PRKN: variants seen among roughly 807,000 people sequenced by gnomAD.
PRKN encodes the protein E3 ubiquitin-protein ligase parkin.
PRKN carries 56 observed loss-of-function variants against 59.5 expected under a neutral mutation model. The observed-to-expected ratio is 0.94, with a 90% confidence interval of 0.76 to 1.18. PRKN has a LOEUF of 1.18. Among genes scored for constraint, PRKN ranks in the 50% most tolerant of loss-of-function variants. The pLI is 0.00. For synonymous variants in PRKN, 250 were observed against 222.1 expected (o/e 1.13, Z -1.12); for missense variants, 657 against 596.4 (o/e 1.10, Z -1.06).
At chr6:161,757,477 A>C (rs1467713157) in intron 7 of PRKN, among the ~76,000 whole-genome samples, 1 of 152,020 alleles carries the variant, frequency 6.6e-6, no homozygotes, top group Non-Finnish European at 1.5e-5. Context: ...ATAATAATAA[A>C]ATATGTGCAA....
In PRKN at chr6:161,361,518, T is replaced by C. The variant is rs1000739923; in HGVS notation, c.1168-1313A>G. On this transcript the variant is annotated intron_variant, in intron 10 of 11. Transcript: ENST00000366898. This position sits in a 1 kb window ranked among gnomAD's most constrained non-coding sequence, Gnocchi z 5.2. ...CCAAATTTCAGGGGTTACCAAACTT[T>C]CAGGGGTTACCACTAAACTTTCAGG... 1.3e-5 allele frequency among the ~76,000 whole-genome samples: 2 copies of C among 152,164 alleles called. No homozygotes were observed. The highest frequency in any genetic ancestry group is 2.9e-5 in the Non-Finnish European group (2 of 68,026).
At position 162,262,648 on chromosome 6, in the gene PRKN, G is replaced by A. The variant is rs373593750; in HGVS notation, c.289C>T (p.Arg97Trp). The change falls in exon 3 of 12, where the codon CGG becomes TGG. Residue 97 changes from arginine (R) to tryptophan (W), a missense_variant. Transcript: ENST00000366898. ...ACCCGAGTCAAGCTCTGGGGCTCCC[G>A]CTCACAGCCTCCCGCCGCGTTTCTG... Reference protein sequence around the residue: ...DPRNAAGGCEREPQSLTRVDL... With the variant: ...DPRNAAGGCEWEPQSLTRVDL... The A allele has an allele frequency of 6.8e-6, 11 of 1,613,518 alleles. No individual in the cohort carries two copies. The highest frequency in any genetic ancestry group is 2.2e-5 in the East Asian group (1 of 44,860).
intron 6 of PRKN, among the ~76,000 whole-genome samples, chr6:161,907,245 T>C (rs891690775): frequency 1.3e-5 from 2 of 152,136 alleles, no homozygotes; most frequent in Non-Finnish European, 2.9e-5. Flanking sequence ...TCTAGATGAA[T>C]TTCACTGGTT....
chr6:161,696,351 C>G (rs1440767391), intron 7 of PRKN, among the ~76,000 whole-genome samples: 1 of 152,160 alleles, frequency 6.6e-6, no homozygotes, highest in Non-Finnish European at 1.5e-5. Context: ...GAACTAAAAT[C>G]TGCTGAACAA....
intron 6 of PRKN, among the ~76,000 whole-genome samples, chr6:161,832,276 T>C (rs1458163270): frequency 1.3e-5 from 2 of 152,196 alleles, no homozygotes; most frequent in Admixed American, 6.5e-5. Flanking sequence ...ATCTTAGTAC[T>C]TTCTTGAATA....
At chr6:162,473,195 G>C (rs528168619) in intron 1 of PRKN, among the ~76,000 whole-genome samples, 2 of 152,214 alleles carry the variant, frequency 1.3e-5, no homozygotes, top group South Asian at 2.1e-4. Flanking sequence ...CCTTTGCTAG[G>C]ATGCTTACCA....
rs187710459 is a variant in PRKN at position 161,742,102 on chromosome 6, C to T, written c.871+43670G>A. Among the ~76,000 whole-genome samples the T allele has an allele frequency of 1.2e-4, 18 of 152,130 alleles. 1 individual carries two copies. In the East Asian group the frequency reaches 3.3e-3, roughly 28 times the overall value. On this transcript the variant is annotated intron_variant, in intron 7 of 11. Transcript: ENST00000366898. ...CTCCTGCCTCAGCCTCCTGAGTACC[C>T]GGGATTACAGGCGTGCACCACCATT...
intron 1 of PRKN, among the ~76,000 whole-genome samples, chr6:162,637,745 C>T (rs900375001): frequency 4.6e-5 from 7 of 152,138 alleles, no homozygotes; most frequent in Non-Finnish European, 2.9e-5. Flanking sequence ...AAATTTGGAT[C>T]ATTAGATGAA....
rs1583143678 is a variant in PRKN at position 162,169,886 on chromosome 6, A to C, written c.534+31245T>G. ...CTTGTATCTAGGAGGATATGGGGGAAAATAGCAATAAAATAGGTGGGGATG... is the reference window on the plus strand; with the variant it reads ...CTTGTATCTAGGAGGATATGGGGGACAATAGCAATAAAATAGGTGGGGATG... On this transcript the variant is annotated intron_variant, in intron 4 of 11. Coordinates refer to ENST00000366898, the MANE Select transcript of PRKN (RefSeq NM_004562.3). 2.0e-5 allele frequency among the ~76,000 whole-genome samples: 3 copies of C among 152,338 alleles called. No individual in the cohort carries two copies. In the East Asian group the frequency reaches 5.8e-4, roughly 29 times the overall value.
chr6:162,141,025 G>T (rs1781757372), intron 4 of PRKN, among the ~76,000 whole-genome samples: 1 of 152,028 alleles, frequency 6.6e-6, no homozygotes, highest in Non-Finnish European at 1.5e-5. Flanking sequence ...AGCTACTTCG[G>T]AGGCTGAGGC....
chr6:161,648,920 A>T (rs1369112993), intron 7 of PRKN, among the ~76,000 whole-genome samples: 1 of 152,348 alleles, frequency 6.6e-6, no homozygotes, highest in East Asian at 1.9e-4. Context: ...CAATTAATTC[A>T]GAAATTAAAT....
chr6:162,069,173 T>C lies in PRKN; in HGVS notation c.535-14999A>G, dbSNP rs532006373. 6.6e-5 allele frequency among the ~76,000 whole-genome samples: 10 copies of C among 152,234 alleles called. 2 individuals carry two copies. In the South Asian group the frequency reaches 2.1e-3, roughly 32 times the overall value. On this transcript the variant is annotated intron_variant, in intron 4 of 11. Coordinates refer to ENST00000366898, the MANE Select transcript of PRKN (RefSeq NM_004562.3). ...GTGGGAGGCACCTAGAAGGAGGTAA[T>C]AGAATCATGGGGGCTGGTCTCTCTC...
intron 1 of PRKN, among the ~76,000 whole-genome samples, chr6:162,503,754 C>T (rs933084102): frequency 2.0e-5 from 3 of 152,046 alleles, no homozygotes; most frequent in East Asian, 1.9e-4. Flanking sequence ...CAGCTGAACT[C>T]GGAGGATCCG....
At chr6:162,637,133 T>C (rs1562457543) in intron 1 of PRKN, among the ~76,000 whole-genome samples, 1 of 151,514 alleles carries the variant, frequency 6.6e-6, no homozygotes. Flanking sequence ...GGCGGGTGCC[T>C]ATAATCCCAG....
At chr6:162,584,664 A>G (rs1448181867) in intron 1 of PRKN, among the ~76,000 whole-genome samples, 4 of 152,090 alleles carry the variant, frequency 2.6e-5, no homozygotes, top group Non-Finnish European at 5.9e-5. Flanking sequence ...TTGTGGGCAT[A>G]TCCTATAAAT....
intron 1 of PRKN, among the ~76,000 whole-genome samples, chr6:162,673,125 C>T (rs1037778280): frequency 2.0e-5 from 3 of 150,870 alleles, no homozygotes; most frequent in Admixed American, 1.3e-4. Flanking sequence ...CCATTTATTT[C>T]TCCTATTTTC....
rs1192983224 is a variant in PRKN at position 161,429,991 on chromosome 6, G to T, written c.1084-43114C>A. ...TATTTACAGCAATATCTTTTTTCCTGTGCTGGTTTCTCAAATCCCAGTTCT... is the reference window on the plus strand; with the variant it reads ...TATTTACAGCAATATCTTTTTTCCTTTGCTGGTTTCTCAAATCCCAGTTCT... On this transcript the variant is annotated intron_variant, in intron 9 of 11. Transcript: ENST00000366898. The surrounding 1 kb of genome is among the most constrained non-coding windows in gnomAD (Gnocchi z 4.2). Among the ~76,000 whole-genome samples the T allele has an allele frequency of 6.6e-6, 1 of 152,120 alleles. No individual in the cohort carries two copies. The highest frequency in any genetic ancestry group is 1.9e-4 in the East Asian group (1 of 5,192).
intron 7 of PRKN, among the ~76,000 whole-genome samples, chr6:161,660,722 G>A (rs1784512896): frequency 6.6e-6 from 1 of 152,148 alleles, no homozygotes; most frequent in Admixed American, 6.5e-5. Flanking sequence ...GCAGGCTCAG[G>A]TTTAGACCCT....
In PRKN at chr6:161,531,556, A is replaced by G. The variant is rs148822973; in HGVS notation, c.1083+17298T>C. 7.1e-3 allele frequency among the ~76,000 whole-genome samples: 1,082 copies of G among 152,242 alleles called. 7 individuals are homozygous for G. The highest frequency in any genetic ancestry group is 0.012 in the Non-Finnish European group (804 of 68,006). On this transcript the variant is annotated intron_variant, in intron 9 of 11. Transcript: ENST00000366898. ...TAGGTGGCCCAGTAAGACCATCCCA[A>G]AGAAAGGAACCTGGGCAGAATCCAA...
Sources: gnomAD v4.1 joint callset for allele counts (sites outside exome capture counted in the v4.1 genomes callset) on GRCh38, gnomAD v4.1.1 for gene constraint, Gnocchi (gnomAD v3.1) non-coding constraint, MANE v1.5 for transcripts, NCBI Gene and HGNC (gene_info 2026-07-23, HGNC 2026-07-21) for gene names.